Variants in HACD1 observed in about 807,000 individuals in gnomAD.
HACD1 encodes the protein very-long-chain (3R)-3-hydroxyacyl-CoA dehydratase 1.
Under a neutral mutation model 32.0 loss-of-function variants are expected in HACD1, and 41 were observed. The observed-to-expected ratio is 1.28, with a 90% confidence interval of 1.00 to 1.66. The LOEUF (loss-of-function observed/expected upper bound fraction) is 1.66, where lower values mean the gene tolerates loss of function less well. Ranked by LOEUF, HACD1 falls within the 40% of genes most tolerant of loss-of-function variation. The pLI, the probability that HACD1 is intolerant of heterozygous loss-of-function variation, is 0.00. For synonymous variants in HACD1, 142 were observed against 139.0 expected (o/e 1.02, Z -0.15); for missense variants, 396 against 380.1 (o/e 1.04, Z -0.35).
intron 1 of HACD1, among the ~76,000 whole-genome samples, chr10:17,607,580 CCAAT>C (rs1554817158): frequency 6.6e-6 from 1 of 152,164 alleles, no homozygotes; most frequent in Non-Finnish European, 1.5e-5. Flanking sequence ...TATTAACCTA[CCAAT>C]CAAAGGAGTC....
chr10:17,611,375 T>C (rs1834233581), intron 1 of HACD1, among the ~76,000 whole-genome samples: 1 of 152,204 alleles, frequency 6.6e-6, no homozygotes, highest in Non-Finnish European at 1.5e-5. Context: ...TTTCCCCACT[T>C]ATGCCTACTT....
intron 4 of HACD1, chr10:17,603,344 T>C (rs1554816712): frequency 2.1e-6 from 1 of 474,924 alleles, no homozygotes; most frequent in African/African-American, 1.9e-5. Flanking sequence ...AAGGAGAATA[T>C]ATTACGGATC....
chr10:17,608,119 C>T (rs2131517403), intron 1 of HACD1, among the ~76,000 whole-genome samples: 1 of 152,194 alleles, frequency 6.6e-6, no homozygotes, highest in South Asian at 2.1e-4. Context: ...CAGCAATCTT[C>T]CCACCTCAGC....
chr10:17,591,976 A>ATTTTTTTTTTTTTTTTTT lies in HACD1; in HGVS notation c.785-1548_785-1531dup, dbSNP rs71393019. On this transcript the variant is annotated intron_variant, in intron 6 of 6. Transcript: ENST00000361271. ...CCCTGCCTTAACTCACCAGCTACTG[A>ATTTTTTTTTTTTTTTTTT]TTTTTTTTTTTTTTTTTTTTTTTGA... 3.7e-4 allele frequency among the ~76,000 whole-genome samples: 36 copies of ATTTTTTTTTTTTTTTTTT among 96,950 alleles called. 5 individuals are homozygous for ATTTTTTTTTTTTTTTTTT. Among genetic ancestry groups the ATTTTTTTTTTTTTTTTTT allele is most frequent in the African/African-American group, 1.2e-3 (27 of 22,298 alleles). The allele number at this position is 96,950 out of a possible 152,430, so 63.6% of individuals were successfully genotyped here. A position where few individuals can be genotyped will look rare whatever the true frequency, so the allele number is the denominator to read the frequency against.
In HACD1 at chr10:17,617,251, G is replaced by A; in HGVS notation, c.89C>T (p.Ser30Phe). 6.8e-7 allele frequency: 1 copy of A among 1,480,198 alleles called. No individual in the cohort carries two copies. The highest frequency in any genetic ancestry group is 8.9e-7 in the Non-Finnish European group (1 of 1,121,002). The allele number at this position is 1,480,198 out of a possible 1,614,324, so 91.7% of individuals were successfully genotyped here. The change falls in exon 1 of 7, where the codon TCT becomes TTT. Residue 30 changes from serine to phenylalanine, a missense_variant. Coordinates refer to ENST00000361271, the MANE Select transcript of HACD1 (RefSeq NM_014241.4). ...GGCCGCGCACCTGGGGGACGTGGGA[G>A]ACAGCGGCAGGAGCGTGGGAGGGGA... ...AGSPPTLLPL[S>F]PTSPRCAATM...
intron 1 of HACD1, among the ~76,000 whole-genome samples, chr10:17,610,535 G>C (rs1834217787): frequency 6.6e-6 from 1 of 151,852 alleles, no homozygotes; most frequent in African/African-American, 2.4e-5. Context: ...TGTAGTCCCA[G>C]CTACTCGGGA....
At chr10:17,593,201 C>T (rs1319883319) in intron 6 of HACD1, among the ~76,000 whole-genome samples, 1 of 152,084 alleles carries the variant, frequency 6.6e-6, no homozygotes, top group Non-Finnish European at 1.5e-5. Context: ...TTGGAGACCT[C>T]AAGGGGCTGG....
At chr10:17,596,632 G>T (rs571814350) in intron 5 of HACD1, among the ~76,000 whole-genome samples, 10 of 151,862 alleles carry the variant, frequency 6.6e-5, no homozygotes, top group East Asian at 3.9e-4. Context: ...ACTTCAAAAA[G>T]ATTGCATGTT....
chr10:17,590,305 A>C lies in HACD1; in HGVS notation c.*59T>G. On this transcript the variant is annotated 3_prime_UTR_variant, in exon 7 of 7. Coordinates refer to ENST00000361271, the MANE Select transcript of HACD1 (RefSeq NM_014241.4). Reference sequence around the variant, plus strand: ...CAAAGTTGTTTATTCTTGTTATTAAAACTTGGACTCAGGTAATCTTGGTTA... The same window carrying C: ...CAAAGTTGTTTATTCTTGTTATTAACACTTGGACTCAGGTAATCTTGGTTA... The C allele has an allele frequency of 4.0e-6, 5 of 1,245,126 alleles. No homozygotes were observed. Among genetic ancestry groups the C allele is most frequent in the Non-Finnish European group, 5.7e-6 (5 of 879,252 alleles). The allele number at this position is 1,245,126 out of a possible 1,614,324, so 77.1% of individuals were successfully genotyped here.
chr10:17,605,370 C>T (rs372505568), intron 1 of HACD1, among the ~76,000 whole-genome samples: 46 of 151,572 alleles, frequency 3.0e-4, no homozygotes, highest in South Asian at 1.7e-3. Flanking sequence ...ACTAAAAATA[C>T]GAAAATTAGC....
chr10:17,596,252 C>T (rs1353690726), intron 5 of HACD1, among the ~76,000 whole-genome samples: 1 of 152,246 alleles, frequency 6.6e-6, no homozygotes, highest in East Asian at 1.9e-4. Flanking sequence ...AATAGATGAG[C>T]TATTCAAGAA....
chr10:17,612,104 T>C (rs1832991767), intron 1 of HACD1, among the ~76,000 whole-genome samples: 1 of 55,080 alleles, frequency 1.8e-5, no homozygotes, highest in African/African-American at 7.0e-5. Flanking sequence ...AAACTCCATC[T>C]CAAAAAAAAA....
At chr10:17,616,964 C>G in intron 1 of HACD1, 119 bp downstream of exon 1, 1 of 1,147,656 alleles carries the variant, frequency 8.7e-7, no homozygotes, top group Non-Finnish European at 1.1e-6. Flanking sequence ...GCTCCCTTCC[C>G]CCACGGCCGC....
chr10:17,612,449 T>C (rs782533799), intron 1 of HACD1, among the ~76,000 whole-genome samples: 15 of 152,168 alleles, frequency 9.9e-5, no homozygotes, highest in African/African-American at 3.6e-4. Flanking sequence ...GAGTTTACAC[T>C]CTAATGGAGA....
In HACD1 at chr10:17,617,126, C is replaced by A; in HGVS notation, c.214G>T (p.Ala72Ser). The A allele has an allele frequency of 6.6e-7, 1 of 1,505,310 alleles. No homozygotes were observed. Among genetic ancestry groups the A allele is most frequent in the Non-Finnish European group, 8.8e-7 (1 of 1,130,056 alleles). 93.2% of individuals were successfully genotyped at this position (1,505,310 alleles called of 1,614,324 possible). ...PGERRRLGVL[A>S]TAWLTFYDIA... Reference sequence around the variant, plus strand: ...TCGTAGAAGGTGAGCCAGGCGGTGGCCAAGACCCCCAGGCGCCTCCGCTCG... The same window carrying A: ...TCGTAGAAGGTGAGCCAGGCGGTGGACAAGACCCCCAGGCGCCTCCGCTCG... The change falls in exon 1 of 7, where the codon GCC becomes TCC. Residue 72 changes from alanine to serine, a missense_variant. Coordinates refer to ENST00000361271, the MANE Select transcript of HACD1 (RefSeq NM_014241.4).
intron 6 of HACD1, among the ~76,000 whole-genome samples, chr10:17,592,268 C>T (rs1554815641): frequency 6.6e-6 from 1 of 152,000 alleles, no homozygotes; most frequent in African/African-American, 2.4e-5. Flanking sequence ...AGGTGTGAGC[C>T]ACCACACCAG....
Position 17,603,584 on chromosome 10 carries a change from C to A in HACD1, c.459G>T (p.Trp153Cys), listed in dbSNP as rs782699505. 31 of 1,612,468 alleles carry A rather than the reference C, an allele frequency of 1.9e-5. No individual in the cohort carries two copies. Among genetic ancestry groups the A allele is most frequent in the Non-Finnish European group, 2.6e-5 (31 of 1,178,800 alleles). Residue 153 changes from tryptophan (W) to cysteine (C), a missense_variant, in exon 4 of 7, where the codon TGG becomes TGT. By Grantham distance (215) the Trp-to-Cys change is radical. Transcript: ENST00000361271. ...CTGGTTTTATACTGTGAGTAATGAG[C>A]CACACCATAAAGATTCTTGAACTCA... is the stretch of plus-strand genomic sequence containing the variant. Reference protein sequence around the residue: ...VQVSSRIFMVWLITHSIKPIQ... With the variant: ...VQVSSRIFMVCLITHSIKPIQ...
intron 1 of HACD1, among the ~76,000 whole-genome samples, chr10:17,608,868 G>A (rs1588992523): frequency 6.6e-6 from 1 of 152,150 alleles, no homozygotes; most frequent in South Asian, 2.1e-4. Flanking sequence ...CAGCCAATAT[G>A]TGAGTGCTTC....
At chr10:17,590,535 G>T in intron 6 of HACD1, 89 bp from the exon 7 acceptor site, 2 of 908,062 alleles carry the variant, frequency 2.2e-6, no homozygotes, top group Non-Finnish European at 3.4e-6. Context: ...ATGTTAGAGA[G>T]TAAATACATC....
Sources: gnomAD v4.1 joint callset for allele counts (sites outside exome capture counted in the v4.1 genomes callset) on GRCh38, gnomAD v4.1.1 for gene constraint, MANE v1.5 for transcripts, NCBI Gene and HGNC (gene_info 2026-07-23, HGNC 2026-07-21) for gene names.